Variants in CACNA2D1 observed in about 807,000 individuals in gnomAD.
CACNA2D1 encodes calcium voltage-gated channel auxiliary subunit alpha2delta 1.
In CACNA2D1, 53 loss-of-function variants were observed where a neutral mutation model predicts 171.5. The ratio of observed to expected loss-of-function variants is 0.31; its 90% CI spans 0.25 to 0.39. The LOEUF is 0.39. CACNA2D1 is among the 10% of genes least tolerant of loss of function. The pLI, the probability that CACNA2D1 is intolerant of heterozygous loss-of-function variation, is 1.00. For synonymous variants in CACNA2D1, 442 were observed against 443.1 expected (o/e 1.00, Z 0.03); for missense variants, 903 against 1,299.8 (o/e 0.69, Z 4.69).
chr7:82,109,922 C>G (rs1175235386), intron 6 of CACNA2D1, among the ~76,000 whole-genome samples: 1 of 152,164 alleles, frequency 6.6e-6, no homozygotes, highest in Non-Finnish European at 1.5e-5. Context: ...GTTCTATATT[C>G]TTGTCCATGA....
At chr7:82,321,388 G>T (rs181441213) in intron 3 of CACNA2D1, among the ~76,000 whole-genome samples, 85 of 152,204 alleles carry the variant, frequency 5.6e-4, no homozygotes, top group Admixed American at 4.7e-3. Flanking sequence ...GACAGAGCAA[G>T]ATTCTGTCTC....
At chr7:82,187,621 A>G (rs903092334) in intron 3 of CACNA2D1, among the ~76,000 whole-genome samples, 2 of 152,328 alleles carry the variant, frequency 1.3e-5, no homozygotes, top group South Asian at 2.1e-4. Flanking sequence ...ATGAATTAGA[A>G]TTGATTTAAT....
intron 3 of CACNA2D1, among the ~76,000 whole-genome samples, chr7:82,298,687 T>C (rs1812597039): frequency 6.6e-6 from 1 of 152,064 alleles, no homozygotes; most frequent in Admixed American, 6.5e-5. Context: ...GTGTTCTGAG[T>C]AGCAGGGGCT....
chr7:81,981,975 T>C (rs1308068091), intron 24 of CACNA2D1, among the ~76,000 whole-genome samples: 2 of 152,178 alleles, frequency 1.3e-5, no homozygotes, highest in African/African-American at 4.8e-5. Flanking sequence ...TTGGTACATA[T>C]ATGTGTATAT....
intron 3 of CACNA2D1, among the ~76,000 whole-genome samples, chr7:82,317,339 C>T (rs1815245629): frequency 6.6e-6 from 1 of 152,326 alleles, no homozygotes; most frequent in Admixed American, 6.5e-5. Context: ...ATTTAAAACA[C>T]AGGCAGATCA....
At chr7:82,176,370 C>A (rs1486871730) in intron 3 of CACNA2D1, among the ~76,000 whole-genome samples, 1 of 151,812 alleles carries the variant, frequency 6.6e-6, no homozygotes, top group Non-Finnish European at 1.5e-5. Flanking sequence ...GTATGTTCAG[C>A]AGAATTCTAC....
intron 1 of CACNA2D1, among the ~76,000 whole-genome samples, chr7:82,357,003 C>T (rs1455726258): frequency 6.6e-6 from 1 of 152,022 alleles, no homozygotes; most frequent in Non-Finnish European, 1.5e-5. Context: ...GAAGCAGTCA[C>T]TAAAATATCT....
intron 12 of CACNA2D1, among the ~76,000 whole-genome samples, chr7:82,015,210 A>T (rs1173065072): frequency 2.0e-5 from 3 of 152,230 alleles, no homozygotes; most frequent in Non-Finnish European, 2.9e-5. Flanking sequence ...GTAATGAAAA[A>T]GTATTCAGAA....
intron 38 of CACNA2D1, among the ~76,000 whole-genome samples, chr7:81,957,562 G>C (rs1357200620): frequency 6.6e-6 from 1 of 151,998 alleles, no homozygotes; most frequent in Non-Finnish European, 1.5e-5. Context: ...TTAATAACGG[G>C]CAAAGTAGCA....
intron 22 of CACNA2D1, among the ~76,000 whole-genome samples, chr7:81,983,736 T>A (rs1796669741): frequency 6.6e-6 from 1 of 152,120 alleles, no homozygotes; most frequent in Non-Finnish European, 1.5e-5. Flanking sequence ...CATATCTATC[T>A]ATCAAGTGAA....
intron 18 of CACNA2D1, among the ~76,000 whole-genome samples, chr7:81,997,818 T>C (rs1326999175): frequency 2.0e-5 from 3 of 151,996 alleles, no homozygotes; most frequent in Admixed American, 6.6e-5. Flanking sequence ...TTTTATATTT[T>C]AATAATTCAA....
chr7:82,309,612 G>C (rs564853657), intron 3 of CACNA2D1, among the ~76,000 whole-genome samples: 2 of 152,078 alleles, frequency 1.3e-5, no homozygotes, highest in Non-Finnish European at 1.5e-5. Context: ...CTGGCTGCTG[G>C]ATTCTTCCAA....
chr7:82,358,203 A>AT (rs1462536418), intron 1 of CACNA2D1, among the ~76,000 whole-genome samples: 1 of 152,162 alleles, frequency 6.6e-6, no homozygotes, highest in Non-Finnish European at 1.5e-5. Flanking sequence ...AACTGTTCCT[A>AT]TTTTTGTTAT....
chr7:82,089,814 A>G (rs1480610665), intron 6 of CACNA2D1, among the ~76,000 whole-genome samples: 1 of 152,164 alleles, frequency 6.6e-6, no homozygotes, highest in African/African-American at 2.4e-5. Flanking sequence ...ACTTCAACCA[A>G]TAAAATGTTG....
intron 1 of CACNA2D1, among the ~76,000 whole-genome samples, chr7:82,393,031 GAGGA>G (rs552898545): frequency 0.057 from 4,349 of 75,826 alleles, 187 homozygotes; most frequent in Non-Finnish European, 0.076. Context: ...GACAGAGAGA[GAGGA>G]AGGAAGGAAG....
chr7:82,378,347 C>T (rs1269989936), intron 1 of CACNA2D1, among the ~76,000 whole-genome samples: 1 of 152,088 alleles, frequency 6.6e-6, no homozygotes, highest in Non-Finnish European at 1.5e-5. Flanking sequence ...TGCAGTGAAC[C>T]GTGTTAGTGC....
At chr7:82,013,346 G>T in intron 14 of CACNA2D1, 115 bp downstream of exon 14, 4 of 314,216 alleles carry the variant, frequency 1.3e-5, no homozygotes, top group Non-Finnish European at 2.3e-5. Flanking sequence ...TAATATAGGT[G>T]TAATATTATA....
At chr7:82,037,191 C>A (rs1439343520) in intron 11 of CACNA2D1, among the ~76,000 whole-genome samples, 2 of 152,128 alleles carry the variant, frequency 1.3e-5, no homozygotes, top group Non-Finnish European at 2.9e-5. Context: ...GAGACACACA[C>A]TATAAGGCTG....
chr7:82,145,383 T>C lies in CACNA2D1; in HGVS notation c.355-8707A>G, dbSNP rs556181179. Among the ~76,000 whole-genome samples, 263 of 144,784 alleles carry C rather than the reference T, an allele frequency of 1.8e-3. 4 individuals carry two copies. Among genetic ancestry groups the C allele is most frequent in the African/African-American group, 6.2e-3 (248 of 40,276 alleles). The allele number at this position is 144,784 out of a possible 152,430, so 95.0% of individuals were successfully genotyped here. A position where few individuals can be genotyped will look rare whatever the true frequency, so the allele number is the denominator to read the frequency against. ...ATATTACACATTATATATTATATAT[T>C]ATATATGTATTATATATATTGCATA... is the stretch of plus-strand genomic sequence containing the variant. On this transcript the variant is annotated intron_variant, in intron 4 of 38. Coordinates refer to ENST00000356860, the MANE Select transcript of CACNA2D1 (RefSeq NM_000722.4).
Sources: allele counts gnomAD v4.1 joint callset (sites outside exome capture counted in the v4.1 genomes callset), GRCh38; gene constraint gnomAD v4.1.1; transcripts MANE v1.5; gene names NCBI Gene and HGNC (gene_info 2026-07-23, HGNC 2026-07-21).